DNAH14: variants seen among roughly 807,000 people sequenced by gnomAD.
The protein encoded by DNAH14 is dynein axonemal heavy chain 14, also known as axonemal beta dynein heavy chain 14.
A neutral mutation model predicts 520.9 loss-of-function variants in DNAH14; 478 were observed. The observed-to-expected ratio is 0.92, with a 90% CI of 0.85 to 0.99. DNAH14 has a LOEUF of 0.99. DNAH14 is among the 50% of genes least tolerant of loss of function. DNAH14 has a pLI of 0.00. For missense variants in DNAH14, 4,831 were observed against 5,234.5 expected, an observed-to-expected ratio of 0.92 and a Z score of 2.38; for synonymous variants, 1,581 against 1,757.2, an observed-to-expected ratio of 0.90 and a Z score of 2.51.
At chr1:225,372,881 G>T (rs528186906) in intron 77 of DNAH14, among the ~76,000 whole-genome samples, 1 of 152,140 alleles carries the variant, frequency 6.6e-6, no homozygotes, top group South Asian at 2.1e-4. Context: ...AAAACAGGCG[G>T]TGTATAGAGG....
chr1:224,929,894 C>G (rs1020946602), intron 1 of DNAH14, 59 bp downstream of exon 1: 4 of 609,414 alleles, frequency 6.6e-6, no homozygotes, highest in Non-Finnish European at 1.2e-5. Flanking sequence ...GCGGGCGGCG[C>G]GTGGGGCAGC....
intron 36 of DNAH14, among the ~76,000 whole-genome samples, chr1:225,174,735 A>G (rs2083126432): frequency 6.6e-6 from 1 of 152,184 alleles, no homozygotes; most frequent in Non-Finnish European, 1.5e-5. Flanking sequence ...GAAAGTGAGC[A>G]TCTTCATCTT....
intron 54 of DNAH14, among the ~76,000 whole-genome samples, chr1:225,277,892 T>A (rs1235560796): frequency 6.6e-6 from 1 of 152,186 alleles, no homozygotes; most frequent in Non-Finnish European, 1.5e-5. Context: ...AATTCCCCAA[T>A]ATACTTTGAA....
intron 41 of DNAH14, among the ~76,000 whole-genome samples, chr1:225,211,190 G>A (rs2149450259): frequency 6.6e-6 from 1 of 152,286 alleles, no homozygotes; most frequent in East Asian, 1.9e-4. Flanking sequence ...CAGAAGGTGG[G>A]TAATAACAAA....
intron 49 of DNAH14, among the ~76,000 whole-genome samples, chr1:225,267,363 G>A (rs1017209787): frequency 1.4e-5 from 2 of 145,446 alleles, no homozygotes; most frequent in Non-Finnish European, 3.0e-5. Context: ...GCACAATCAC[G>A]GCTCACTGCA....
chr1:225,324,250 C>T lies in DNAH14; in HGVS notation c.9524C>T (p.Thr3175Ile), dbSNP rs2094610122. The change falls in exon 63 of 86, where the codon ACC (threonine) becomes ATC (isoleucine). Residue 3175 changes from threonine (T) to isoleucine (I), a missense_variant. Physicochemically the swap from Thr to Ile is moderately conservative, Grantham distance 89. Transcript: ENST00000682510. Reference sequence around the variant, plus strand: ...TTCGTGAAGCTAAAAAAAATTGTAACCTTACCTGATTTCAACCCACACAAG... The same window carrying T: ...TTCGTGAAGCTAAAAAAAATTGTAATCTTACCTGATTTCAACCCACACAAG... Reference protein sequence around the residue: ...KVFVKLKKIVTLPDFNPHKIS... With the variant: ...KVFVKLKKIVILPDFNPHKIS... 1.3e-6 allele frequency: 2 copies of T among 1,551,632 alleles called. No individual in the cohort carries two copies. The highest frequency in any genetic ancestry group is 1.4e-5 in the African/African-American group (1 of 73,144).
intron 1 of DNAH14, among the ~76,000 whole-genome samples, chr1:224,940,477 TTTA>T: frequency 6.6e-6 from 1 of 152,288 alleles, no homozygotes; most frequent in Non-Finnish European, 1.5e-5. Context: ...AGCTTGTCTT[TTTA>T]TTTTCTTTAG....
intron 23 of DNAH14, among the ~76,000 whole-genome samples, chr1:225,116,775 A>C (rs2076901626): frequency 6.6e-6 from 1 of 152,204 alleles, no homozygotes; most frequent in African/African-American, 2.4e-5. Context: ...GAAACTTTAG[A>C]AGTCAAAATG....
chr1:225,037,548 T>C (rs1362154150), intron 11 of DNAH14, among the ~76,000 whole-genome samples: 1 of 152,190 alleles, frequency 6.6e-6, no homozygotes. Context: ...GCTTCTTAAC[T>C]TTTATTGTTT....
At chr1:225,129,161 TA>T (rs1173561352) in intron 27 of DNAH14, among the ~76,000 whole-genome samples, 4 of 151,678 alleles carry the variant, frequency 2.6e-5, no homozygotes, top group Non-Finnish European at 4.4e-5. Flanking sequence ...CTCAATGAAA[TA>T]AAAGAGGATA....
chr1:225,265,048 G>A (rs764241594), intron 47 of DNAH14, 134 bp from the exon 48 acceptor site: 14 of 654,088 alleles, frequency 2.1e-5, no homozygotes, highest in African/African-American at 3.8e-5. Context: ...AAGTTCTATC[G>A]GAGTAATTTC....
At chr1:225,160,940 TAAG>T (rs1298793493) in intron 35 of DNAH14, among the ~76,000 whole-genome samples, 2 of 152,176 alleles carry the variant, frequency 1.3e-5, no homozygotes, top group East Asian at 3.8e-4. Flanking sequence ...GCTTTTTTAG[TAAG>T]AAGTCTAATT....
Position 225,340,442 on chromosome 1 carries a change from C to CT in DNAH14, c.10434-12dup. The CT allele has an allele frequency of 6.6e-7, 1 of 1,513,132 alleles. No individual in the cohort carries two copies. The highest frequency in any genetic ancestry group is 8.9e-7 in the Non-Finnish European group (1 of 1,121,994). The allele number at this position is 1,513,132 out of a possible 1,614,324, so 93.7% of individuals were successfully genotyped here. A position where few individuals can be genotyped will look rare whatever the true frequency, so the allele number is the denominator to read the frequency against. On this transcript the variant is annotated splice_polypyrimidine_tract_variant and intron_variant, in intron 68 of 85. Transcript: ENST00000682510. ...TACATGTTCTTTGAATAACTGGTGC[C>CT]TTTCTCATGTTCAGGTTATACTTAT...
intron 17 of DNAH14, among the ~76,000 whole-genome samples, chr1:225,074,270 A>G (rs1353266686): frequency 6.6e-6 from 1 of 152,130 alleles, no homozygotes; most frequent in Non-Finnish European, 1.5e-5. Flanking sequence ...AAGTGCTGGG[A>G]TTACAGGCGT....
At position 225,144,442 on chromosome 1, in the gene DNAH14, G is replaced by A. The variant is rs1270239094; in HGVS notation, c.4554G>A (p.Val1518=). ...KWNEKQKLCY[V]SQGNASFTYG... is the part of the protein sequence containing the mutation. ...ATGAAAAACAAAAGTTGTGCTATGT[G>A]TCTCAAGGAAATGCCAGCTTTACTT... The change falls in exon 29 of 86, where the codon GTG becomes GTA. Residue 1518 remains valine, a synonymous_variant. Transcript: ENST00000682510. 4 of 1,551,614 alleles carry A rather than the reference G, an allele frequency of 2.6e-6. No homozygotes were observed. The highest frequency in any genetic ancestry group is 3.5e-6 in the Non-Finnish European group (4 of 1,146,966).
Position 225,303,166 on chromosome 1 carries a change from A to T in DNAH14, c.8642A>T (p.Lys2881Ile), listed in dbSNP as rs2150080060. ...TTCATTAATTTTCAGAGAATATATA[A>T]AAATCTTCATATTTTTGTGATCATG... ...LLSFFQKRIY[K>I]NLHIFVIMSP... Residue 2881 changes from lysine to isoleucine, a missense_variant, in exon 57 of 86, where the codon AAA becomes ATA. Lys to Ile is a moderately radical substitution (Grantham distance 102). Transcript: ENST00000682510. 2.0e-6 allele frequency: 3 copies of T among 1,485,552 alleles called. No homozygotes were observed. The highest frequency in any genetic ancestry group is 2.7e-6 in the Non-Finnish European group (3 of 1,116,432). The allele number at this position is 1,485,552 out of a possible 1,614,324, so 92.0% of individuals were successfully genotyped here. A position where few individuals can be genotyped will look rare whatever the true frequency, so the allele number is the denominator to read the frequency against.
intron 81 of DNAH14, among the ~76,000 whole-genome samples, chr1:225,381,877 C>T (rs2095788290): frequency 1.3e-5 from 2 of 152,124 alleles, no homozygotes; most frequent in African/African-American, 4.8e-5. Context: ...AGTTTAATTG[C>T]TTTTAAAATA....
At position 225,205,372 on chromosome 1, in the gene DNAH14, C is replaced by T. The variant is rs149094000; in HGVS notation, c.5978-599C>T. Among the ~76,000 whole-genome samples the T allele has an allele frequency of 8.7e-4, 132 of 152,270 alleles. 1 individual carries two copies. In the East Asian group the frequency reaches 0.02, roughly 23 times the overall value. On this transcript the variant is annotated intron_variant, in intron 39 of 85. Coordinates refer to ENST00000682510, the MANE Select transcript of DNAH14 (RefSeq NM_001367479.1). Reference sequence around the variant, plus strand: ...AAAGAATGTGCCCATCTGTCAACCACGAAGATAGCACCCCCAGACAAGGAA... The same window carrying T: ...AAAGAATGTGCCCATCTGTCAACCATGAAGATAGCACCCCCAGACAAGGAA...
At chr1:225,277,003 G>A (rs61849991) in intron 53 of DNAH14, among the ~76,000 whole-genome samples, 6,954 of 70,008 alleles carry the variant, frequency 0.099, 625 homozygotes, top group East Asian at 0.26. Context: ...GGAAGGAAGG[G>A]AGGGAGGGAG....
Sources: allele counts gnomAD v4.1 joint callset (sites outside exome capture counted in the v4.1 genomes callset), GRCh38; gene constraint gnomAD v4.1.1; transcripts MANE v1.5; gene names NCBI Gene and HGNC (gene_info 2026-07-23, HGNC 2026-07-21).